ST6GAL1: variants seen among roughly 807,000 people sequenced by gnomAD.
The protein encoded by ST6GAL1 is ST6 beta-galactoside alpha-2,6-sialyltransferase 1, also known as beta-galactoside alpha-2,6-sialyltransferase 1.
In ST6GAL1, 20 loss-of-function variants were observed where a neutral mutation model predicts 38.0. That is an observed-to-expected ratio of 0.53 (90% CI 0.37 to 0.77). The LOEUF (loss-of-function observed/expected upper bound fraction) is 0.77. ST6GAL1 is among the 30% of genes least tolerant of loss of function. ST6GAL1 has a pLI of 0.00. For missense variants in ST6GAL1, 432 were observed against 496.4 expected, an observed-to-expected ratio of 0.87 and a Z score of 1.23; for synonymous variants, 196 against 188.2, an observed-to-expected ratio of 1.04 and a Z score of -0.34.
intron 2 of ST6GAL1, among the ~76,000 whole-genome samples, chr3:187,007,029 C>G (rs1401916814): frequency 6.6e-6 from 1 of 152,172 alleles, no homozygotes; most frequent in Non-Finnish European, 1.5e-5. Context: ...CAACCACAAT[C>G]TCTACCAATG....
At chr3:186,993,884 T>C (rs1716268491) in intron 2 of ST6GAL1, among the ~76,000 whole-genome samples, 1 of 152,138 alleles carries the variant, frequency 6.6e-6, no homozygotes, top group Non-Finnish European at 1.5e-5. Context: ...GCGATACTTA[T>C]AACAATGATG....
rs369331757 is a variant in ST6GAL1, at chr3:186,962,220, G to A, written c.-324-1565G>A. On this transcript the variant is annotated intron_variant, in intron 1 of 7. Coordinates refer to ENST00000169298, the MANE Select transcript of ST6GAL1 (RefSeq NM_173216.2). ...GTCTATCAGCATCTCCCGTCTCATG[G>A]GATGACTCTTGTTTCTCTTTGTATC... Among the ~76,000 whole-genome samples, 185 of 152,234 alleles carry A rather than the reference G, an allele frequency of 1.2e-3. 3 individuals are homozygous for A. Among genetic ancestry groups the A allele is most frequent in the African/African-American group, 4.2e-3 (173 of 41,548 alleles).
At chr3:186,961,848 G>T (rs1714946110) in intron 1 of ST6GAL1, among the ~76,000 whole-genome samples, 1 of 152,136 alleles carries the variant, frequency 6.6e-6, no homozygotes, top group Admixed American at 6.5e-5. Flanking sequence ...TCCTGTTAAG[G>T]AGGCAGAGCA....
intron 2 of ST6GAL1, among the ~76,000 whole-genome samples, chr3:187,004,588 C>T (rs377013369): frequency 3.3e-5 from 5 of 152,156 alleles, no homozygotes; most frequent in South Asian, 2.1e-4. Flanking sequence ...ACACTAGAGT[C>T]GGGAGCGAGA....
At chr3:187,026,187 G>A (rs535750228) in intron 2 of ST6GAL1, among the ~76,000 whole-genome samples, 6 of 152,282 alleles carry the variant, frequency 3.9e-5, no homozygotes, top group South Asian at 2.1e-4. Context: ...CCTTTGCTGC[G>A]CTTTTGAGCA....
chr3:187,039,531 C>T (rs1363564131), intron 3 of ST6GAL1, among the ~76,000 whole-genome samples: 1 of 152,130 alleles, frequency 6.6e-6, no homozygotes, highest in Non-Finnish European at 1.5e-5. Context: ...CCTTCAGAAG[C>T]AGAAAGGTGA....
chr3:186,940,541 T>A (rs555848321), intron 1 of ST6GAL1, among the ~76,000 whole-genome samples: 1 of 152,386 alleles, frequency 6.6e-6, no homozygotes, highest in African/African-American at 2.4e-5. Context: ...TGGCTTTGAA[T>A]GCGGCCCAAC....
chr3:186,985,607 TAAA>T (rs34935712), intron 2 of ST6GAL1, among the ~76,000 whole-genome samples: 5 of 122,738 alleles, frequency 4.1e-5, no homozygotes, highest in Non-Finnish European at 7.1e-5. Flanking sequence ...CTTCAAAAAG[TAAA>T]AAAAAAAAAA....
chr3:187,023,422 A>T (rs1302282793), intron 2 of ST6GAL1, among the ~76,000 whole-genome samples: 1 of 152,244 alleles, frequency 6.6e-6, no homozygotes, highest in Non-Finnish European at 1.5e-5. Context: ...CTGTGTCTGC[A>T]GTCTGGTTCA....
chr3:187,033,178 C>A (rs754382455), intron 2 of ST6GAL1, among the ~76,000 whole-genome samples: 2 of 152,180 alleles, frequency 1.3e-5, no homozygotes, highest in Non-Finnish European at 2.9e-5. Flanking sequence ...CTTTGGGAGG[C>A]CGAAGTGGGT....
chr3:186,970,125 G>A (rs1242978789), intron 2 of ST6GAL1, among the ~76,000 whole-genome samples: 1 of 151,946 alleles, frequency 6.6e-6, no homozygotes, highest in Non-Finnish European at 1.5e-5. Context: ...TACAACATGT[G>A]TATAGTTTGT....
chr3:186,997,534 T>C (rs1431125967), intron 2 of ST6GAL1, among the ~76,000 whole-genome samples: 1 of 151,858 alleles, frequency 6.6e-6, no homozygotes, highest in African/African-American at 2.4e-5. Context: ...GGTGGGAGGA[T>C]TGCTTGAGTC....
At position 187,074,164 on chromosome 3, in the gene ST6GAL1, C is replaced by G; in HGVS notation, c.810C>G (p.Tyr270Ter). The G allele has an allele frequency of 6.2e-7, 1 of 1,604,612 alleles. No homozygotes were observed. ...ACCACTTCTTTCTTTTTCAGTGGTA[C>G]CAGAATCCGGATTATAATTTCTTTA... ...SVYHSDIPKW[Y>*]QNPDYNFFNN... Residue 270 changes from tyrosine to a stop codon, truncating the protein, a stop_gained, in exon 7 of 8, where the codon TAC becomes TAG. Transcript: ENST00000169298. LOFTEE classifies it high-confidence loss of function.
At chr3:187,074,069 C>T (rs1281771796) in intron 6 of ST6GAL1, 90 bp from the exon 7 acceptor site, 1 of 1,215,054 alleles carries the variant, frequency 8.2e-7, no homozygotes, top group Non-Finnish European at 1.1e-6. Flanking sequence ...ATCCTTTCCC[C>T]TCCCCATGTC....
At chr3:187,011,961 C>T (rs1387914110) in intron 2 of ST6GAL1, among the ~76,000 whole-genome samples, 1 of 152,224 alleles carries the variant, frequency 6.6e-6, no homozygotes, top group East Asian at 1.9e-4. Flanking sequence ...TCATCTTACT[C>T]TCTGGAGCAG....
intron 2 of ST6GAL1, among the ~76,000 whole-genome samples, chr3:186,987,244 AAAGAAAGG>A (rs965784127): frequency 6.6e-5 from 10 of 150,598 alleles, no homozygotes; most frequent in African/African-American, 2.2e-4. Context: ...GGAAGAAAGG[AAAGAAAGG>A]AAGAAAGAAA....
chr3:187,009,946 G>C (rs1446315026), intron 2 of ST6GAL1, among the ~76,000 whole-genome samples: 1 of 151,324 alleles, frequency 6.6e-6, no homozygotes, highest in Non-Finnish European at 1.5e-5. Flanking sequence ...CGGAGGTTGC[G>C]GTGAGCCGAG....
At chr3:187,011,973 A>T (rs892815003) in intron 2 of ST6GAL1, among the ~76,000 whole-genome samples, 9 of 152,212 alleles carry the variant, frequency 5.9e-5, no homozygotes, top group African/African-American at 2.2e-4. Flanking sequence ...CTGGAGCAGG[A>T]TTCAGACCTG....
At chr3:186,937,434 G>A (rs906671591) in intron 1 of ST6GAL1, among the ~76,000 whole-genome samples, 1 of 152,164 alleles carries the variant, frequency 6.6e-6, no homozygotes, top group Non-Finnish European at 1.5e-5. Context: ...ACATGGCCTT[G>A]AGTTCCAGTC....
Sources: gnomAD v4.1 joint callset for allele counts (sites outside exome capture counted in the v4.1 genomes callset) on GRCh38, gnomAD v4.1.1 for gene constraint, MANE v1.5 for transcripts, NCBI Gene and HGNC (gene_info 2026-07-23, HGNC 2026-07-21) for gene names.